Variants in MAPK8 observed in about 807,000 individuals in gnomAD.
The protein encoded by MAPK8 is mitogen-activated protein kinase 8.
Under a neutral mutation model 52.9 loss-of-function variants are expected in MAPK8, and 13 were observed. The observed-to-expected ratio is 0.25, with a 90% CI of 0.16 to 0.39. MAPK8 has a LOEUF of 0.39. MAPK8 is among the 10% of genes least tolerant of loss of function. MAPK8 has a pLI of 1.00. For missense variants in MAPK8, 300 were observed against 519.2 expected, an observed-to-expected ratio of 0.58 and a Z score of 4.10; for synonymous variants, 191 against 169.8, an observed-to-expected ratio of 1.12 and a Z score of -0.97.
intron 1 of MAPK8, among the ~76,000 whole-genome samples, chr10:48,335,616 A>G (rs1844611034): frequency 6.6e-6 from 1 of 152,168 alleles, no homozygotes; most frequent in African/African-American, 2.4e-5. Flanking sequence ...TTTTCAAGAA[A>G]ATGTCTTCCA....
At chr10:48,414,295 G>C (rs968314109) in intron 5 of MAPK8, among the ~76,000 whole-genome samples, 16 of 151,932 alleles carry the variant, frequency 1.1e-4, no homozygotes, top group African/African-American at 3.6e-4. Flanking sequence ...TAGATATATT[G>C]TTTATCCATT....
In MAPK8 at chr10:48,428,847, G is replaced by T. The variant is rs1369768797; in HGVS notation, c.1060+1704G>T. On this transcript the variant is annotated intron_variant, in intron 10 of 11. Coordinates refer to ENST00000374189, the MANE Select transcript of MAPK8 (RefSeq NM_001323329.2). ...TGTTTGTTTGTTTTTTTGAGACAGG[G>T]TCTCACTGTGTCCCCCAGGCTAGAG... 2.0e-5 allele frequency among the ~76,000 whole-genome samples: 3 copies of T among 152,010 alleles called. No homozygotes were observed. In the East Asian group the frequency reaches 5.8e-4, roughly 29 times the overall value.
chr10:48,417,819 T>C (rs1340742135), intron 5 of MAPK8, among the ~76,000 whole-genome samples: 1 of 152,204 alleles, frequency 6.6e-6, no homozygotes, highest in Non-Finnish European at 1.5e-5. Context: ...GGCAAGACCC[T>C]GAAATTCTAG....
In MAPK8 at chr10:48,324,503, G is replaced by GTTT. The variant is rs370766776; in HGVS notation, c.-50+17697_-50+17699dup. On this transcript the variant is annotated intron_variant, in intron 1 of 11. Transcript: ENST00000374189. Reference sequence around the variant, plus strand: ...TATACAACAGTTGTCCTGTTTTCTAGTTTTTTTTTTTTTTTTTACACTCAT... The same window carrying GTTT: ...TATACAACAGTTGTCCTGTTTTCTAGTTTTTTTTTTTTTTTTTTTTACACTCAT... Among the ~76,000 whole-genome samples, 664 of 118,004 alleles carry GTTT rather than the reference G, an allele frequency of 5.6e-3. 39 individuals carry two copies. Among genetic ancestry groups the GTTT allele is most frequent in the African/African-American group, 0.021 (588 of 28,110 alleles). 77.4% of individuals were successfully genotyped at this position (118,004 alleles called of 152,430 possible). A position where few individuals can be genotyped will look rare whatever the true frequency, so the allele number is the denominator to read the frequency against.
At position 48,379,062 on chromosome 10, in the gene MAPK8, G is replaced by T. The variant is rs2132708246; in HGVS notation, c.-49-22550G>T. On this transcript the variant is annotated intron_variant, in intron 1 of 11. Transcript: ENST00000374189. The stretch of plus-strand genomic sequence containing the variant: ...TTGGTCATATAGACTAGTTGGCTTT[G>T]CCTGAAACTTTTTCGTTAGAAATTT... Among the ~76,000 whole-genome samples the T allele has an allele frequency of 3.3e-5, 5 of 152,324 alleles. 1 individual carries two copies. The South Asian group carries it at 1.0e-3, about 32-fold the overall frequency.
chr10:48,352,271 T>C (rs1160769625), intron 1 of MAPK8, among the ~76,000 whole-genome samples: 2 of 151,756 alleles, frequency 1.3e-5, no homozygotes, highest in Non-Finnish European at 2.9e-5. Flanking sequence ...AATTCATTTA[T>C]GAAATCAGTA....
intron 1 of MAPK8, among the ~76,000 whole-genome samples, chr10:48,365,620 C>T (rs1847963490): frequency 6.6e-6 from 1 of 152,074 alleles, no homozygotes; most frequent in Non-Finnish European, 1.5e-5. Context: ...TAACGATAAA[C>T]TAAAGAGATT....
chr10:48,427,682 C>T (rs1424073605), intron 10 of MAPK8, among the ~76,000 whole-genome samples: 6 of 152,066 alleles, frequency 3.9e-5, no homozygotes, highest in African/African-American at 1.2e-4. Flanking sequence ...TTAGTAGAGA[C>T]AGGGTTTCAC....
intron 1 of MAPK8, among the ~76,000 whole-genome samples, chr10:48,348,507 T>G (rs1189989355): frequency 6.6e-6 from 1 of 152,226 alleles, no homozygotes; most frequent in Non-Finnish European, 1.5e-5. Context: ...CTTCTAGGAT[T>G]TTTATGTGTT....
chr10:48,328,498 C>G (rs934438797), intron 1 of MAPK8, among the ~76,000 whole-genome samples: 2 of 152,162 alleles, frequency 1.3e-5, no homozygotes, highest in Non-Finnish European at 2.9e-5. Context: ...TCCTTGCTTT[C>G]TGGCAGGATA....
intron 1 of MAPK8, among the ~76,000 whole-genome samples, chr10:48,372,454 T>C (rs531769513): frequency 5.3e-5 from 8 of 151,970 alleles, no homozygotes; most frequent in African/African-American, 1.9e-4. Context: ...TCTAACCCAA[T>C]GTAAGGAAGC....
At position 48,438,033 on chromosome 10, in the gene MAPK8, T is replaced by C. The variant is rs1419374009; in HGVS notation, c.*3004T>C. 6.6e-6 allele frequency: 1 copy of C among 152,282 alleles called. No individual in the cohort carries two copies. Among genetic ancestry groups the C allele is most frequent in the African/African-American group, 2.4e-5 (1 of 41,484 alleles). 9.4% of individuals were successfully genotyped at this position (152,282 alleles called of 1,614,324 possible). On this transcript the variant is annotated 3_prime_UTR_variant, in exon 12 of 12. Coordinates refer to ENST00000374189, the MANE Select transcript of MAPK8 (RefSeq NM_001323329.2). ...TATTGGCCAGTATCTGCTAAACATATGAAGACTTAACTATTCAGTGTTGCC... is the reference window on the plus strand; with the variant it reads ...TATTGGCCAGTATCTGCTAAACATACGAAGACTTAACTATTCAGTGTTGCC...
intron 2 of MAPK8, 100 bp downstream of exon 2, chr10:48,401,882 AAAATT>A (rs2042177341): frequency 3.9e-6 from 4 of 1,013,232 alleles, no homozygotes; most frequent in Non-Finnish European, 2.7e-6. Flanking sequence ...CTTGCTTTGA[AAAATT>A]AAATTAAAAC....
intron 1 of MAPK8, among the ~76,000 whole-genome samples, chr10:48,371,431 A>G (rs1424265548): frequency 6.6e-6 from 1 of 152,008 alleles, no homozygotes; most frequent in Admixed American, 6.6e-5. Context: ...CATTTGTTGC[A>G]TTAAGTCATT....
intron 11 of MAPK8, among the ~76,000 whole-genome samples, chr10:48,433,105 G>C (rs1367305718): frequency 6.6e-6 from 1 of 152,132 alleles, no homozygotes; most frequent in Non-Finnish European, 1.5e-5. Flanking sequence ...ACTTAAGAGA[G>C]GAATGACCCA....
Position 48,306,819 on chromosome 10 carries a change from C to T in MAPK8, c.-52C>T, listed in dbSNP as rs1313935290. On this transcript the variant is annotated splice_region_variant and 5_prime_UTR_variant, in exon 1 of 12. Transcript: ENST00000374189. ...TCCCTGTCGCCGTTCGCTGCGCTGC[C>T]GGGTGAGTGCGGCGGACGCCGCAGG... is the stretch of plus-strand genomic sequence containing the variant. 2 of 151,550 alleles carry T rather than the reference C, an allele frequency of 1.3e-5. No homozygotes were observed. Among genetic ancestry groups the T allele is most frequent in the Non-Finnish European group, 2.9e-5 (2 of 67,844 alleles). The allele number at this position is 151,550 out of a possible 1,614,324, so 9.4% of individuals were successfully genotyped here.
chr10:48,397,972 C>T (rs1263173173), intron 1 of MAPK8, among the ~76,000 whole-genome samples: 1 of 152,098 alleles, frequency 6.6e-6, no homozygotes, highest in Non-Finnish European at 1.5e-5. Flanking sequence ...TATACACACA[C>T]AGGGCATGTA....
chr10:48,350,854 A>G (rs1225164070), intron 1 of MAPK8, among the ~76,000 whole-genome samples: 1 of 152,218 alleles, frequency 6.6e-6, no homozygotes, highest in East Asian at 1.9e-4. Flanking sequence ...ACATGGTTGT[A>G]TATTTAGAAA....
intron 1 of MAPK8, among the ~76,000 whole-genome samples, chr10:48,358,943 G>A (rs1847263965): frequency 6.6e-6 from 1 of 152,106 alleles, no homozygotes; most frequent in Non-Finnish European, 1.5e-5. Context: ...GGGACTTTCT[G>A]TTCTATTCCA....
Sources: allele counts gnomAD v4.1 joint callset (sites outside exome capture counted in the v4.1 genomes callset), GRCh38; gene constraint gnomAD v4.1.1; transcripts MANE v1.5; gene names NCBI Gene and HGNC (gene_info 2026-07-23, HGNC 2026-07-21).